HSF2: variants seen among roughly 807,000 people sequenced by gnomAD.
The protein encoded by HSF2 is heat shock transcription factor 2, also known as heat shock factor protein 2.
Under a neutral mutation model 65.0 loss-of-function variants are expected in HSF2, and 21 were observed. The observed-to-expected ratio is 0.32, with a 90% CI of 0.23 to 0.47. HSF2 has a LOEUF of 0.47. Among genes scored for constraint, HSF2 ranks in the 20% least tolerant of loss-of-function variants. The pLI, the probability that HSF2 is intolerant of heterozygous loss-of-function variation, is 1.00. For synonymous variants in HSF2, 225 were observed against 219.1 expected (o/e 1.03, Z -0.24); for missense variants, 499 against 628.1 (o/e 0.79, Z 2.20).
At chr6:122,424,234 C>T (rs551923059) in intron 10 of HSF2, among the ~76,000 whole-genome samples, 14 of 152,168 alleles carry the variant, frequency 9.2e-5, no homozygotes, top group Non-Finnish European at 1.8e-4. Flanking sequence ...TCTTATCTAC[C>T]GTTTCTGCCA....
chr6:122,420,301 AG>A, intron 7 of HSF2, 79 bp downstream of exon 7: 1 of 1,075,632 alleles, frequency 9.3e-7, no homozygotes. Flanking sequence ...ATGCATTCAA[AG>A]AAGTGTGGTG....
At chr6:122,402,540 T>C (rs1773760533) in intron 1 of HSF2, among the ~76,000 whole-genome samples, 1 of 152,058 alleles carries the variant, frequency 6.6e-6, no homozygotes, top group Non-Finnish European at 1.5e-5. Context: ...TGGCAGAGAC[T>C]ATATCACACT....
intron 1 of HSF2, among the ~76,000 whole-genome samples, chr6:122,411,960 T>C (rs1554208398): frequency 6.6e-6 from 1 of 152,006 alleles, no homozygotes; most frequent in Non-Finnish European, 1.5e-5. Context: ...ATGTCTACTA[T>C]GTCTACTGCA....
Position 122,412,660 on chromosome 6 carries a change from A to G in HSF2, c.226A>G (p.Ile76Val), listed in dbSNP as rs757336970. 12 of 1,612,342 alleles carry G rather than the reference A, an allele frequency of 7.4e-6. No individual in the cohort carries two copies. Among genetic ancestry groups the G allele is most frequent in the Admixed American group, 5.0e-5 (3 of 59,948 alleles). Residue 76 changes from isoleucine to valine, a missense_variant, in exon 3 of 13, where the codon ATC becomes GTC. Transcript: ENST00000368455. ...NMYGFRKVVH[I>V]DSGIVKQERD... The stretch of plus-strand genomic sequence containing the variant: ...AGATGGTTTCCGTAAAGTAGTACAT[A>G]TCGACTCTGGAATTGTAAAGCAAGA...
intron 1 of HSF2, among the ~76,000 whole-genome samples, chr6:122,408,325 T>G (rs1391255966): frequency 6.7e-6 from 1 of 149,318 alleles, no homozygotes; most frequent in Non-Finnish European, 1.5e-5. Flanking sequence ...TGTTTTAAAA[T>G]CAAGTTCCAT....
chr6:122,412,329 G>A, intron 1 of HSF2, 44 bp from the exon 2 acceptor site: 1 of 1,131,554 alleles, frequency 8.8e-7, no homozygotes, highest in Non-Finnish European at 1.3e-6. Flanking sequence ...TGTGTCATAG[G>A]AACTTAACTA....
intron 7 of HSF2, among the ~76,000 whole-genome samples, chr6:122,420,596 T>A (rs1181118472): frequency 6.9e-6 from 1 of 145,462 alleles, no homozygotes; most frequent in African/African-American, 2.5e-5. Context: ...CTAAACTTCA[T>A]ATAAATAATA....
In HSF2 at chr6:122,413,516, T is replaced by C; in HGVS notation, c.331-9T>C. The C allele has an allele frequency of 3.9e-6, 6 of 1,549,142 alleles. No individual in the cohort carries two copies. Among genetic ancestry groups the C allele is most frequent in the Non-Finnish European group, 5.3e-6 (6 of 1,131,850 alleles). ...GTTTCTTTGATTTTCTAAATTTACTTTTTCAAAGGTTTCATCTTCAAAACC... is the reference window on the plus strand; with the variant it reads ...GTTTCTTTGATTTTCTAAATTTACTCTTTCAAAGGTTTCATCTTCAAAACC... On this transcript the variant is annotated splice_polypyrimidine_tract_variant and intron_variant, in intron 3 of 12. Transcript: ENST00000368455.
chr6:122,400,237 C>G (rs558792105), intron 1 of HSF2, among the ~76,000 whole-genome samples: 2 of 152,280 alleles, frequency 1.3e-5, no homozygotes, highest in South Asian at 4.1e-4. Context: ...GACAGGGAGC[C>G]CAGGGCCAGG....
chr6:122,421,757 G>A (rs1486127846), intron 7 of HSF2, among the ~76,000 whole-genome samples: 1 of 151,994 alleles, frequency 6.6e-6, no homozygotes, highest in Non-Finnish European at 1.5e-5. Flanking sequence ...AGAGCATCTT[G>A]AGCTGAAACA....
At chr6:122,406,276 A>G (rs183826515) in intron 1 of HSF2, among the ~76,000 whole-genome samples, 1 of 152,316 alleles carries the variant, frequency 6.6e-6, no homozygotes, top group African/African-American at 2.4e-5. Flanking sequence ...AGCCTCTCCA[A>G]GGAGACGATG....
upstream of HSF2, chr6:122,399,592 C>T (rs964818442): frequency 2.2e-5 from 14 of 635,472 alleles, no homozygotes; most frequent in African/African-American, 3.9e-5. Flanking sequence ...TCGGCCTTGC[C>T]GCGCGCCTGG....
chr6:122,417,106 T>C (rs2114440008), intron 5 of HSF2, among the ~76,000 whole-genome samples: 1 of 151,822 alleles, frequency 6.6e-6, no homozygotes, highest in Middle Eastern at 3.5e-3. Flanking sequence ...CAGAGATGAG[T>C]AGCAGTTGCA....
intron 1 of HSF2, among the ~76,000 whole-genome samples, chr6:122,411,249 A>G (rs1447217052): frequency 6.6e-6 from 1 of 151,490 alleles, no homozygotes; most frequent in Non-Finnish European, 1.5e-5. Context: ...AAGTTTGTAT[A>G]TCTTCTTTGA....
At chr6:122,413,389 G>A in intron 3 of HSF2, 136 bp from the exon 4 acceptor site, 1 of 618,742 alleles carries the variant, frequency 1.6e-6, no homozygotes. Context: ...TCTTTCCCTA[G>A]CATTTCATCC....
intron 9 of HSF2, among the ~76,000 whole-genome samples, chr6:122,423,264 TATAAC>T (rs1774275215): frequency 1.3e-5 from 2 of 152,156 alleles, no homozygotes. Context: ...GTAAGGTACT[TATAAC>T]AAAGAAAACT....
At chr6:122,418,982 G>T (rs1316734845) in intron 5 of HSF2, among the ~76,000 whole-genome samples, 186 bp from the exon 6 acceptor site, 1 of 152,104 alleles carries the variant, frequency 6.6e-6, no homozygotes, top group Non-Finnish European at 1.5e-5. Context: ...CAAATAAACT[G>T]CCTGGAAGCT....
Position 122,431,920 on chromosome 6 carries a change from T to C in HSF2, c.1316-5T>C. On this transcript the variant is annotated splice_region_variant and splice_polypyrimidine_tract_variant and intron_variant, in intron 12 of 12. Transcript: ENST00000368455. ...GATAAAAGAGTGTTTTTCTGATCTTTATAGATAAGCAGCTTATCCAGTATA... is the reference window on the plus strand; with the variant it reads ...GATAAAAGAGTGTTTTTCTGATCTTCATAGATAAGCAGCTTATCCAGTATA... 4 of 1,608,494 alleles carry C rather than the reference T, an allele frequency of 2.5e-6. No homozygotes were observed. Among genetic ancestry groups the C allele is most frequent in the Non-Finnish European group, 3.4e-6 (4 of 1,177,684 alleles).
At chr6:122,420,270 A>AT in intron 7 of HSF2, 48 bp downstream of exon 7, 1 of 1,425,958 alleles carries the variant, frequency 7.0e-7, no homozygotes, top group Non-Finnish European at 9.7e-7. Context: ...CTCAGACTAA[A>AT]TTTTATTATG....
Sources: allele counts gnomAD v4.1 joint callset (sites outside exome capture counted in the v4.1 genomes callset), GRCh38; gene constraint gnomAD v4.1.1; transcripts MANE v1.5; gene names NCBI Gene and HGNC (gene_info 2026-07-23, HGNC 2026-07-21).